The following CAP2 variants were observed in gnomAD, a reference collection of about 807,000 sequenced individuals.
CAP2 encodes the protein adenylyl cyclase-associated protein 2.
Under a neutral mutation model 57.7 loss-of-function variants are expected in CAP2, and 24 were observed. The observed-to-expected ratio is 0.42, with a 90% CI of 0.30 to 0.58. The LOEUF is 0.58. Among genes scored for constraint, CAP2 ranks in the 20% least tolerant of loss-of-function variants. The pLI, the probability that CAP2 is intolerant of heterozygous loss-of-function variation, is 0.22. For missense variants in CAP2, 501 were observed against 590.3 expected, an observed-to-expected ratio of 0.85 and a Z score of 1.57; for synonymous variants, 194 against 207.2, an observed-to-expected ratio of 0.94 and a Z score of 0.55.
intron 7 of CAP2, among the ~76,000 whole-genome samples, chr6:17,537,311 G>A (rs903314550): frequency 2.0e-5 from 3 of 151,814 alleles, no homozygotes; most frequent in Admixed American, 6.6e-5. Flanking sequence ...CTCAGCCTCC[G>A]CAGTAGCTGG....
chr6:17,542,698 G>C (rs1762933525), intron 9 of CAP2, 139 bp from the exon 10 acceptor site: 1 of 696,698 alleles, frequency 1.4e-6, no homozygotes, highest in Non-Finnish European at 2.5e-6. Flanking sequence ...TAAGACCTGT[G>C]GTTTCATCTA....
chr6:17,415,708 G>A (rs1406326272), intron 1 of CAP2, among the ~76,000 whole-genome samples: 1 of 152,214 alleles, frequency 6.6e-6, no homozygotes, highest in Non-Finnish European at 1.5e-5. Context: ...GAGGCGAGGT[G>A]TACAGGTGCT....
chr6:17,494,374 TCTGCTTGCTCCTTAAACA>T (rs1317859646), intron 4 of CAP2, among the ~76,000 whole-genome samples: 4 of 152,092 alleles, frequency 2.6e-5, no homozygotes, highest in African/African-American at 9.7e-5. Context: ...GCTACATGGT[TCTGCTTGCTCCTTAAACA>T]CTGGAGGCAC....
chr6:17,463,044 A>G lies in CAP2; in HGVS notation c.271A>G (p.Met91Val), dbSNP rs536085484. 2.5e-5 allele frequency: 41 copies of G among 1,613,912 alleles called. No homozygotes were observed. The highest frequency in any genetic ancestry group is 3.4e-5 in the Non-Finnish European group (40 of 1,179,924). Residue 91 changes from methionine to valine, a missense_variant, in exon 4 of 13, where the codon ATG becomes GTG. Physicochemically the swap from Met to Val is conservative, Grantham distance 21. Coordinates refer to ENST00000229922, the MANE Select transcript of CAP2 (RefSeq NM_006366.3). ...AFQAQRAFLLMASQYQQPHEN... is the reference protein window; with the variant it reads ...AFQAQRAFLLVASQYQQPHEN... Reference sequence around the variant, plus strand: ...CCAGGCCCAGCGGGCTTTCCTTCTGATGGCCTCTCAGTACCAACAACCCCA... The same window carrying G: ...CCAGGCCCAGCGGGCTTTCCTTCTGGTGGCCTCTCAGTACCAACAACCCCA...
intron 7 of CAP2, among the ~76,000 whole-genome samples, chr6:17,538,317 A>G (rs1420153107): frequency 1.3e-5 from 2 of 151,830 alleles, no homozygotes; most frequent in African/African-American, 2.4e-5. Context: ...TTAGCCAGTT[A>G]GAGTGGCACA....
intron 7 of CAP2, among the ~76,000 whole-genome samples, chr6:17,534,739 T>A (rs942185763): frequency 1.9e-4 from 29 of 152,290 alleles, no homozygotes; most frequent in Admixed American, 1.8e-3. Flanking sequence ...TCTGATCTGA[T>A]CCTTTCCTTC....
At chr6:17,523,474 C>T (rs1762435512) in intron 7 of CAP2, among the ~76,000 whole-genome samples, 1 of 152,034 alleles carries the variant, frequency 6.6e-6, no homozygotes, top group African/African-American at 2.4e-5. Context: ...CCCCGATGTA[C>T]GTGTTGGGAG....
At chr6:17,529,815 A>AT (rs1762598906) in intron 7 of CAP2, among the ~76,000 whole-genome samples, 1 of 151,692 alleles carries the variant, frequency 6.6e-6, no homozygotes, top group Admixed American at 6.6e-5. Flanking sequence ...TATCATGTTC[A>AT]TGTTTTATGT....
chr6:17,471,633 C>G (rs946512258), intron 4 of CAP2, among the ~76,000 whole-genome samples: 1 of 151,938 alleles, frequency 6.6e-6, no homozygotes, highest in Admixed American at 6.6e-5. Context: ...GAGATCGAGA[C>G]CATCCTGGCT....
intron 7 of CAP2, among the ~76,000 whole-genome samples, chr6:17,514,823 G>T (rs1167241852): frequency 6.6e-6 from 1 of 152,176 alleles, no homozygotes; most frequent in Non-Finnish European, 1.5e-5. Context: ...ACACTCTACA[G>T]CCATTAAAAT....
chr6:17,434,820 A>T (rs1759829608), intron 3 of CAP2, among the ~76,000 whole-genome samples: 6 of 151,988 alleles, frequency 3.9e-5, no homozygotes, highest in Admixed American at 3.3e-4. Flanking sequence ...CAATGAACTC[A>T]AACAAATTTA....
At chr6:17,551,358 TG>T in intron 11 of CAP2, 105 bp from the exon 12 acceptor site, 1 of 918,534 alleles carries the variant, frequency 1.1e-6, no homozygotes, top group Non-Finnish European at 1.6e-6. Context: ...TTCTAATGCT[TG>T]GTTAAGCCCA....
chr6:17,447,929 T>G (rs1760303848), intron 3 of CAP2, among the ~76,000 whole-genome samples: 1 of 152,252 alleles, frequency 6.6e-6, no homozygotes, highest in Non-Finnish European at 1.5e-5. Flanking sequence ...TTCATGCTTG[T>G]GGTTTCTCTA....
At chr6:17,412,633 G>A (rs377272858) in intron 1 of CAP2, among the ~76,000 whole-genome samples, 24 of 152,198 alleles carry the variant, frequency 1.6e-4, no homozygotes, top group African/African-American at 5.5e-4. Flanking sequence ...AGATGGTTCT[G>A]AGGGGTGATA....
At chr6:17,422,022 ACAGGTGTGAGCCACTGTGC>A (rs1759463758) in intron 2 of CAP2, among the ~76,000 whole-genome samples, 1 of 152,214 alleles carries the variant, frequency 6.6e-6, no homozygotes, top group African/African-American at 2.4e-5. Flanking sequence ...TGCTGGGATT[ACAGGTGTGAGCCACTGTGC>A]CCAGCCTCAG....
Position 17,507,670 on chromosome 6 carries a change from G to A in CAP2, c.474G>A (p.Glu158=), listed in dbSNP as rs202134882. The change falls in exon 6 of 13, where the codon GAG becomes GAA. Residue 158 remains glutamate (E), a synonymous_variant. Transcript: ENST00000229922. ...VSPKPGPYVK[E]MNDAATFYTN... ...CCAAACCTGGTCCTTATGTCAAGGA[G>A]ATGAATGACGCTGCCACCTTTTACA... 1.5e-5 allele frequency: 24 copies of A among 1,611,056 alleles called. No individual in the cohort carries two copies. The South Asian group carries it at 1.9e-4, about 13-fold the overall frequency.
intron 7 of CAP2, among the ~76,000 whole-genome samples, chr6:17,538,817 C>T (rs531842716): frequency 6.6e-6 from 1 of 152,308 alleles, no homozygotes; most frequent in African/African-American, 2.4e-5. Context: ...TCGGAAACAT[C>T]CAATCACCAC....
intron 3 of CAP2, among the ~76,000 whole-genome samples, chr6:17,441,210 G>A (rs1009100274): frequency 6.0e-5 from 9 of 151,042 alleles, no homozygotes; most frequent in Admixed American, 1.3e-4. Context: ...TAGTTATATC[G>A]AAGTGACCAT....
intron 4 of CAP2, among the ~76,000 whole-genome samples, chr6:17,496,094 C>G (rs1244285787): frequency 6.6e-6 from 1 of 150,650 alleles, no homozygotes; most frequent in Non-Finnish European, 1.5e-5. Flanking sequence ...GAAAGCATCT[C>G]CATGGTTATA....
Sources: gnomAD v4.1 joint callset for allele counts (sites outside exome capture counted in the v4.1 genomes callset) on GRCh38, gnomAD v4.1.1 for gene constraint, MANE v1.5 for transcripts, NCBI Gene and HGNC (gene_info 2026-07-23, HGNC 2026-07-21) for gene names.